The following RBMS3 variants were observed in gnomAD, a reference collection of about 807,000 sequenced individuals.
The protein encoded by RBMS3 is RNA binding motif single stranded interacting protein 3, also known as RNA-binding motif, single-stranded-interacting protein 3.
In RBMS3, 27 loss-of-function variants were observed where a neutral mutation model predicts 66.8. The observed-to-expected ratio is 0.40, with a 90% CI of 0.30 to 0.56. The LOEUF (loss-of-function observed/expected upper bound fraction) is 0.56. Among genes scored for constraint, RBMS3 ranks in the 20% least tolerant of loss-of-function variants. RBMS3 has a pLI of 0.40. For synonymous variants in RBMS3, 188 were observed against 183.0 expected (o/e 1.03, Z -0.22); for missense variants, 513 against 549.5 (o/e 0.93, Z 0.66).
At chr3:29,604,090 G>A (rs974557348) in intron 4 of RBMS3, among the ~76,000 whole-genome samples, 12 of 151,634 alleles carry the variant, frequency 7.9e-5, no homozygotes, top group African/African-American at 2.9e-4. Context: ...AGAATTATTC[G>A]GTCTAAAATA....
chr3:29,735,312 A>T (rs1037416063), intron 4 of RBMS3, among the ~76,000 whole-genome samples: 2 of 152,188 alleles, frequency 1.3e-5, no homozygotes, highest in African/African-American at 4.8e-5. Flanking sequence ...TTTCAGAGAA[A>T]GTAAATTATT....
chr3:29,907,749 T>C (rs965181088), intron 10 of RBMS3, among the ~76,000 whole-genome samples: 3 of 152,100 alleles, frequency 2.0e-5, no homozygotes, highest in African/African-American at 4.8e-5. Context: ...TAATTTGGAA[T>C]AATTCCTTTT....
chr3:29,522,698 C>T (rs530831077), intron 3 of RBMS3, among the ~76,000 whole-genome samples: 2 of 152,240 alleles, frequency 1.3e-5, no homozygotes, highest in Admixed American at 6.5e-5. Flanking sequence ...AAAACCTTGA[C>T]TTCTCCTTTT....
In RBMS3 at chr3:29,553,244, G is replaced by C. The variant is rs138802984; in HGVS notation, c.308-33870G>C. On this transcript the variant is annotated intron_variant, in intron 3 of 14. Coordinates refer to ENST00000383767, the MANE Select transcript of RBMS3 (RefSeq NM_001003793.3). ...TTAGGCAGATTTAGTTATAAATACT[G>C]TTTTAAGGTCAAGTTTCCTGGGAAA... Among the ~76,000 whole-genome samples the C allele has an allele frequency of 3.7e-3, 565 of 152,298 alleles. 1 individual carries two copies. Among genetic ancestry groups the C allele is most frequent in the Admixed American group, 7.0e-3 (107 of 15,284 alleles).
At chr3:29,551,895 G>A (rs565026238) in intron 3 of RBMS3, among the ~76,000 whole-genome samples, 166 of 152,220 alleles carry the variant, frequency 1.1e-3, no homozygotes, top group African/African-American at 3.5e-3. Flanking sequence ...AGAAAGGTTT[G>A]CCTTCCCATT....
chr3:29,978,745 C>A (rs947068345), intron 12 of RBMS3, among the ~76,000 whole-genome samples: 5 of 151,918 alleles, frequency 3.3e-5, no homozygotes, highest in African/African-American at 1.2e-4. Flanking sequence ...CAAGTTAATA[C>A]CTATATTACA....
At chr3:29,429,316 T>A (rs1005004292) in intron 1 of RBMS3, among the ~76,000 whole-genome samples, 12 of 152,228 alleles carry the variant, frequency 7.9e-5, no homozygotes, top group African/African-American at 2.9e-4. Flanking sequence ...AGGAATAGCA[T>A]GTTTCACAAT....
chr3:29,767,548 T>C (rs571804080), intron 6 of RBMS3: 1 of 152,092 alleles, frequency 6.6e-6, no homozygotes, highest in South Asian at 2.1e-4. Context: ...GGAATAATAT[T>C]TTTCGAATAA....
chr3:29,301,376 A>C (rs943700083), intron 1 of RBMS3, among the ~76,000 whole-genome samples: 2 of 152,026 alleles, frequency 1.3e-5, no homozygotes, highest in African/African-American at 2.4e-5. Flanking sequence ...TGTATTAAGG[A>C]AATAATTCGT....
At chr3:29,549,967 AT>A (rs2046125723) in intron 3 of RBMS3, among the ~76,000 whole-genome samples, 1 of 152,172 alleles carries the variant, frequency 6.6e-6, no homozygotes, top group Admixed American at 6.6e-5. Flanking sequence ...ATTAAAAAAA[AT>A]GAAACAAAAA....
At chr3:30,003,773 G>A (rs908007396) in intron 14 of RBMS3, 83 bp from the exon 15 acceptor site, 3 of 974,814 alleles carry the variant, frequency 3.1e-6, no homozygotes, top group Admixed American at 3.0e-5. Context: ...ATCTTTTAAA[G>A]CTGCCTCATT....
At chr3:29,398,930 T>G (rs1382020552) in intron 1 of RBMS3, among the ~76,000 whole-genome samples, 1 of 152,196 alleles carries the variant, frequency 6.6e-6, no homozygotes, top group Non-Finnish European at 1.5e-5. Context: ...TTTTTTAGAA[T>G]TTTCTGCTGT....
intron 3 of RBMS3, among the ~76,000 whole-genome samples, chr3:29,581,035 G>A (rs1200012935): frequency 1.3e-5 from 2 of 152,098 alleles, no homozygotes; most frequent in Non-Finnish European, 2.9e-5. Context: ...AGACTATAAT[G>A]GCTTAGAATT....
chr3:29,293,889 T>C (rs1413349850), intron 1 of RBMS3, among the ~76,000 whole-genome samples: 1 of 151,614 alleles, frequency 6.6e-6, no homozygotes, highest in Non-Finnish European at 1.5e-5. Context: ...CTTTTTTTTT[T>C]TAATTATTGC....
At chr3:29,435,497 C>A (rs1423655929) in intron 2 of RBMS3, among the ~76,000 whole-genome samples, 1 of 152,188 alleles carries the variant, frequency 6.6e-6, no homozygotes, top group Non-Finnish European at 1.5e-5. Context: ...TTTATATTTG[C>A]TTGGAAGCTT....
At chr3:29,897,739 C>T (rs975703575) in intron 9 of RBMS3, among the ~76,000 whole-genome samples, 2 of 151,584 alleles carry the variant, frequency 1.3e-5, no homozygotes, top group African/African-American at 2.4e-5. Flanking sequence ...AACCTTAATA[C>T]AGCTCTCTCA....
At chr3:29,517,892 C>T (rs2044707471) in intron 3 of RBMS3, among the ~76,000 whole-genome samples, 1 of 152,154 alleles carries the variant, frequency 6.6e-6, no homozygotes, top group African/African-American at 2.4e-5. Context: ...AGTGAAGTCA[C>T]TGAATTTTCT....
intron 4 of RBMS3, among the ~76,000 whole-genome samples, chr3:29,672,660 T>C (rs1323167365): frequency 1.3e-5 from 2 of 152,098 alleles, no homozygotes; most frequent in African/African-American, 2.4e-5. Flanking sequence ...AAACAGATTT[T>C]AAATGAACAA....
intron 6 of RBMS3, among the ~76,000 whole-genome samples, chr3:29,815,506 T>C (rs972876886): frequency 1.3e-5 from 2 of 152,178 alleles, no homozygotes; most frequent in Non-Finnish European, 2.9e-5. Flanking sequence ...GTTTGTTCTT[T>C]TTTATAATAG....
Sources: gnomAD v4.1 joint callset for allele counts (sites outside exome capture counted in the v4.1 genomes callset) on GRCh38, gnomAD v4.1.1 for gene constraint, MANE v1.5 for transcripts, NCBI Gene and HGNC (gene_info 2026-07-23, HGNC 2026-07-21) for gene names.